ADGRG2: variants seen among roughly 807,000 people sequenced by gnomAD.
The protein encoded by ADGRG2 is adhesion G protein-coupled receptor G2, also known as G protein-coupled receptor 64.
Under a neutral mutation model 74.1 loss-of-function variants are expected in ADGRG2, and 26 were observed. That is an observed-to-expected ratio of 0.35 (90% CI 0.26 to 0.49). ADGRG2 has a LOEUF of 0.49. Ranked by LOEUF, ADGRG2 falls within the 20% of genes least tolerant of loss-of-function variation. The pLI is 0.99. For synonymous variants in ADGRG2, 296 were observed against 295.2 expected (o/e 1.00, Z -0.03); for missense variants, 619 against 763.1 (o/e 0.81, Z 2.22).
intron 16 of ADGRG2, 148 bp downstream of exon 16, chrX:19,013,538 C>T: frequency 4.4e-6 from 2 of 455,865 alleles, no homozygotes; most frequent in Non-Finnish European, 3.7e-6. Flanking sequence ...CACAATGACT[C>T]TTATGCAACC....
chrX:19,091,857 A>C, intron 1 of ADGRG2, among the ~76,000 whole-genome samples: 1 of 112,483 alleles, frequency 8.9e-6, no homozygotes, highest in Non-Finnish European at 1.9e-5. Context: ...ACGAGGAAGT[A>C]ATTACGGTAT....
At chrX:19,055,445 AAATT>A (rs2061396559) in intron 3 of ADGRG2, among the ~76,000 whole-genome samples, 1 of 112,230 alleles carries the variant, frequency 8.9e-6, no homozygotes, top group Non-Finnish European at 1.9e-5. Context: ...ATTTAAATTT[AAATT>A]AATTAAAGTT....
chrX:19,007,412 G>A lies in ADGRG2; in HGVS notation c.1567-55C>T, dbSNP rs1046259653. ...AGATATTGTCAGAGTTTTAGAGCTAGAAGGAACACTAAGGAATATTCAGTC... is the reference window on the plus strand; with the variant it reads ...AGATATTGTCAGAGTTTTAGAGCTAAAAGGAACACTAAGGAATATTCAGTC... On this transcript the variant is annotated intron_variant, in intron 19 of 28. Coordinates refer to ENST00000379869, the MANE Select transcript of ADGRG2 (RefSeq NM_001079858.3). The A allele has an allele frequency of 3.7e-6, 4 of 1,078,704 alleles. No individual in the cohort carries two copies. The African/African-American group carries it at 7.3e-5, about 20-fold the overall frequency. 88.9% of individuals were successfully genotyped at this position (1,078,704 alleles called of 1,213,427 possible). A position where few individuals can be genotyped will look rare whatever the true frequency, so the allele number is the denominator to read the frequency against.
At chrX:19,014,395 G>A (rs1404950051) in intron 15 of ADGRG2, among the ~76,000 whole-genome samples, 1 of 111,631 alleles carries the variant, frequency 9.0e-6, no homozygotes, top group Non-Finnish European at 1.9e-5. Flanking sequence ...TCCCGGGTGA[G>A]GGGAACTGCG....
intron 1 of ADGRG2, among the ~76,000 whole-genome samples, chrX:19,084,238 T>G (rs1054386623): frequency 2.0e-5 from 2 of 101,545 alleles, no homozygotes; most frequent in African/African-American, 3.7e-5. Context: ...CACTTATAAG[T>G]GGAAGGTGAC....
intron 3 of ADGRG2, 81 bp downstream of exon 3, chrX:19,068,636 T>TA (rs938325624): frequency 2.0e-5 from 9 of 448,101 alleles, no homozygotes; most frequent in African/African-American, 1.3e-4. Flanking sequence ...TTTACCACAG[T>TA]AAAAAAATCC....
At chrX:19,004,649 G>A in intron 23 of ADGRG2, 109 bp downstream of exon 23, 1 of 716,115 alleles carries the variant, frequency 1.4e-6, no homozygotes, top group East Asian at 3.3e-5. Context: ...TGCTCCACTA[G>A]CTGGGTGTAC....
chrX:18,996,420 C>T (rs909930413), intron 26 of ADGRG2, among the ~76,000 whole-genome samples: 2 of 110,945 alleles, frequency 1.8e-5, no homozygotes, highest in African/African-American at 6.6e-5. Flanking sequence ...AATTCACTGT[C>T]TCCTCCCACA....
Position 19,009,674 on chromosome X carries a change from A to C in ADGRG2, c.1374T>G (p.Ser458Arg). ...LALAVIRVNA[S>R]SFNTTTFVAQ... is the part of the protein sequence containing the mutation. ...CCACAAAGGTAGTTGTGTTGAAACT[A>C]CTGGCATTCACTCTGATCACAGCCA... The change falls in exon 18 of 29, where the codon AGT (serine) becomes AGG (arginine). Residue 458 changes from serine (S) to arginine (R), a missense_variant. This residue lies in a region of ADGRG2 where 221 missense variants were observed against 340.6 expected (regional missense o/e 0.65). Transcript: ENST00000379869. 8.3e-7 allele frequency: 1 copy of C among 1,206,602 alleles called. No homozygotes were observed. The highest frequency in any genetic ancestry group is 1.7e-5 in the African/African-American group (1 of 57,744).
intron 28 of ADGRG2, among the ~76,000 whole-genome samples, chrX:18,993,804 C>G (rs964598767): frequency 9.0e-6 from 1 of 110,647 alleles, no homozygotes; most frequent in South Asian, 3.7e-4. Context: ...ATGAAAAGAA[C>G]TAACATCCTA....
Position 19,082,049 on chromosome X carries a change from G to A in ADGRG2, c.-2+653C>T, listed in dbSNP as rs1180767593. Among the ~76,000 whole-genome samples, 6 of 91,367 alleles carry A rather than the reference G, an allele frequency of 6.6e-5. No individual in the cohort carries two copies. In the Admixed American group the frequency reaches 6.7e-4, roughly 10 times the overall value. The allele number at this position is 91,367 out of a possible 115,157, so 79.3% of individuals were successfully genotyped here. A position where few individuals can be genotyped will look rare whatever the true frequency, so the allele number is the denominator to read the frequency against. The stretch of plus-strand genomic sequence containing the variant: ...GACTGCGCCACTGCGCTCCTACCTG[G>A]GTGACAGAGGGAGACCCTGTCTCAA... On this transcript the variant is annotated intron_variant, in intron 2 of 28. Transcript: ENST00000379869.
intron 3 of ADGRG2, among the ~76,000 whole-genome samples, chrX:19,062,401 C>T (rs2061502034): frequency 8.9e-6 from 1 of 111,996 alleles, no homozygotes; most frequent in South Asian, 3.7e-4. Flanking sequence ...CCATCACTCC[C>T]CATCACCACT....
intron 3 of ADGRG2, among the ~76,000 whole-genome samples, chrX:19,042,001 G>T (rs2146759001): frequency 9.0e-6 from 1 of 110,579 alleles, no homozygotes; most frequent in African/African-American, 3.3e-5. Flanking sequence ...TTTTTGTGGA[G>T]ATGGGGGTCT....
intron 15 of ADGRG2, among the ~76,000 whole-genome samples, chrX:19,015,949 T>C (rs1037666481): frequency 1.8e-5 from 2 of 111,996 alleles, no homozygotes; most frequent in Non-Finnish European, 3.8e-5. Flanking sequence ...TGTGAAGAGG[T>C]TGCCTTCTAC....
At chrX:19,059,532 G>A (rs1274593880) in intron 3 of ADGRG2, among the ~76,000 whole-genome samples, 1 of 111,363 alleles carries the variant, frequency 9.0e-6, no homozygotes, top group Non-Finnish European at 1.9e-5. Flanking sequence ...ACCTACAGGA[G>A]TGTCCAGTTG....
chrX:19,110,977 C>T (rs2062402934), intron 1 of ADGRG2, among the ~76,000 whole-genome samples: 1 of 111,286 alleles, frequency 9.0e-6, no homozygotes, highest in Non-Finnish European at 1.9e-5. Flanking sequence ...CTACAATCAT[C>T]CAAGAAAGAG....
In ADGRG2 at chrX:19,021,145, G is replaced by C; in HGVS notation, c.602C>G (p.Ala201Gly). Residue 201 changes from alanine to glycine, a missense_variant, in exon 14 of 29, where the codon GCT (alanine) becomes GGT (glycine). By Grantham distance (60) the Ala-to-Gly change is moderately conservative (BLOSUM62 0). This residue lies in a region of ADGRG2 where 292 missense variants were observed against 318.0 expected (regional missense o/e 0.92). Coordinates refer to ENST00000379869, the MANE Select transcript of ADGRG2 (RefSeq NM_001079858.3). ...TACTCTTTCCAAAGCAGCTATTACAGCACATGCATTCATTGTATTATTCAG... is the reference window on the plus strand; with the variant it reads ...TACTCTTTCCAAAGCAGCTATTACACCACATGCATTCATTGTATTATTCAG... ...IKLNNTMNAC[A>G]VIAALERVKI... The C allele has an allele frequency of 8.8e-7, 1 of 1,133,463 alleles. No individual in the cohort carries two copies. The highest frequency in any genetic ancestry group is 1.2e-6 in the Non-Finnish European group (1 of 824,921). 93.4% of individuals were successfully genotyped at this position (1,133,463 alleles called of 1,213,427 possible).
intron 11 of ADGRG2, among the ~76,000 whole-genome samples, chrX:19,026,552 A>T (rs1439246067): frequency 9.3e-6 from 1 of 107,881 alleles, no homozygotes; most frequent in African/African-American, 3.4e-5. Flanking sequence ...CTGGAGTGCA[A>T]TGGTGCAATC....
chrX:19,026,287 G>T (rs894122306), intron 11 of ADGRG2, among the ~76,000 whole-genome samples: 2 of 112,635 alleles, frequency 1.8e-5, no homozygotes, highest in East Asian at 5.6e-4. Context: ...CACTACAGCA[G>T]ATTTGCTTCA....
Sources: allele counts gnomAD v4.1 joint callset (sites outside exome capture counted in the v4.1 genomes callset), GRCh38; gene constraint gnomAD v4.1.1; regional missense constraint gnomAD v4.1.1; transcripts MANE v1.5; gene names NCBI Gene and HGNC (gene_info 2026-07-23, HGNC 2026-07-21).